The following EXT1 variants were observed in gnomAD, a reference collection of about 807,000 sequenced individuals.
EXT1 encodes the protein exostosin glycosyltransferase 1.
A neutral mutation model predicts 82.5 loss-of-function variants in EXT1; 20 were observed. The observed-to-expected ratio is 0.24, with a 90% CI of 0.17 to 0.35. EXT1 has a LOEUF of 0.35. EXT1 is among the 10% of genes least tolerant of loss of function. The pLI, the probability that EXT1 is intolerant of heterozygous loss-of-function variation, is 1.00. For synonymous variants in EXT1, 348 were observed against 350.8 expected, an observed-to-expected ratio of 0.99 and a Z score of 0.09; for missense variants, 757 against 936.5, an observed-to-expected ratio of 0.81 and a Z score of 2.50.
chr8:117,896,761 C>A (rs1813345762), intron 1 of EXT1, among the ~76,000 whole-genome samples: 1 of 152,306 alleles, frequency 6.6e-6, no homozygotes, highest in African/African-American at 2.4e-5. Flanking sequence ...CTTATCTAGG[C>A]TTTAGCACAA....
intron 1 of EXT1, among the ~76,000 whole-genome samples, chr8:117,848,719 C>G (rs747390113): frequency 1.6e-4 from 24 of 152,268 alleles, no homozygotes; most frequent in Non-Finnish European, 2.5e-4. Flanking sequence ...TCCTCACACC[C>G]TTCTTCCTAT....
At chr8:117,843,054 A>G (rs753152464) in intron 1 of EXT1, among the ~76,000 whole-genome samples, 1 of 152,196 alleles carries the variant, frequency 6.6e-6, no homozygotes. Flanking sequence ...CCCCATCCTC[A>G]TAAGTAATTA....
intron 10 of EXT1, among the ~76,000 whole-genome samples, chr8:117,802,107 G>C (rs1421027471): frequency 2.0e-5 from 3 of 152,084 alleles, no homozygotes; most frequent in Non-Finnish European, 4.4e-5. Context: ...TGTGTATGAT[G>C]GAAAGAAGGG....
intron 1 of EXT1, among the ~76,000 whole-genome samples, chr8:117,899,569 C>T (rs746165343): frequency 3.1e-4 from 47 of 152,092 alleles, no homozygotes; most frequent in African/African-American, 1.0e-3. Context: ...GCTTTCGGAA[C>T]GATCAGCTGG....
At chr8:117,803,838 T>A (rs1372489253) in intron 10 of EXT1, among the ~76,000 whole-genome samples, 1 of 152,192 alleles carries the variant, frequency 6.6e-6, no homozygotes, top group African/African-American at 2.4e-5. Flanking sequence ...ATTTCAACCC[T>A]GTAAGGTAGA....
At chr8:118,049,997 G>C (rs1816691188) in intron 1 of EXT1, among the ~76,000 whole-genome samples, 1 of 152,038 alleles carries the variant, frequency 6.6e-6, no homozygotes, top group Non-Finnish European at 1.5e-5. Context: ...ATGATTGCCT[G>C]GTGTGTCCTT....
chr8:118,080,809 A>G (rs1432162766), intron 1 of EXT1, among the ~76,000 whole-genome samples: 2 of 152,154 alleles, frequency 1.3e-5, no homozygotes, highest in East Asian at 3.9e-4. Flanking sequence ...CAGAAGTCTC[A>G]TACTATGAGA....
chr8:118,106,299 C>A (rs993024310), intron 1 of EXT1, among the ~76,000 whole-genome samples: 3 of 152,118 alleles, frequency 2.0e-5, no homozygotes, highest in African/African-American at 7.2e-5. Flanking sequence ...TTCAAGGGTG[C>A]CTGAGAATAG....
At chr8:117,818,645 G>C (rs1185182789) in intron 6 of EXT1, 115 bp from the exon 7 acceptor site, 5 of 858,850 alleles carry the variant, frequency 5.8e-6, no homozygotes, top group South Asian at 5.5e-5. Context: ...ATCTCAGCAA[G>C]ACAAAACGGC....
At chr8:117,881,961 G>A (rs55738796) in intron 1 of EXT1, among the ~76,000 whole-genome samples, 7,301 of 152,252 alleles carry the variant, frequency 0.048, 416 homozygotes, top group African/African-American at 0.14. Context: ...CGTTATTCTG[G>A]TGGGAAATAC....
chr8:117,847,881 T>C lies in EXT1; in HGVS notation c.963-10680A>G, dbSNP rs1423673130. On this transcript the variant is annotated intron_variant, in intron 1 of 10. Coordinates refer to ENST00000378204, the MANE Select transcript of EXT1 (RefSeq NM_000127.3). ...TCTGGCCCCTGCACTTAAGTGGTTA[T>C]AAAATATCTTGAGAATCCAATGACA... is the stretch of plus-strand genomic sequence containing the variant. Among the ~76,000 whole-genome samples, 6 of 147,232 alleles carry C rather than the reference T, an allele frequency of 4.1e-5. No individual in the cohort carries two copies. The East Asian group carries it at 1.4e-3, about 34-fold the overall frequency.
At chr8:117,935,957 G>C (rs185884648) in intron 1 of EXT1, among the ~76,000 whole-genome samples, 1 of 152,224 alleles carries the variant, frequency 6.6e-6, no homozygotes, top group Admixed American at 6.5e-5. Flanking sequence ...AGAGGAGAAC[G>C]AATGAAGTCG....
At chr8:117,862,781 T>TA (rs1397561997) in intron 1 of EXT1, among the ~76,000 whole-genome samples, 1 of 145,020 alleles carries the variant, frequency 6.9e-6, no homozygotes, top group Non-Finnish European at 1.6e-5. Flanking sequence ...GGCATCTCAG[T>TA]AAAGATGGGG....
chr8:118,085,777 G>T (rs1365915658), intron 1 of EXT1, among the ~76,000 whole-genome samples: 3 of 151,432 alleles, frequency 2.0e-5, no homozygotes, highest in Non-Finnish European at 4.4e-5. Context: ...TTTTGTTGCA[G>T]AGCCTTGAAA....
At chr8:118,074,461 A>G (rs1456737142) in intron 1 of EXT1, among the ~76,000 whole-genome samples, 1 of 152,130 alleles carries the variant, frequency 6.6e-6, no homozygotes, top group Non-Finnish European at 1.5e-5. Context: ...GCTGTGGTGC[A>G]GGCAGAGGGC....
intron 1 of EXT1, among the ~76,000 whole-genome samples, chr8:117,926,700 G>A (rs1041916512): frequency 1.3e-5 from 2 of 152,150 alleles, no homozygotes; most frequent in African/African-American, 4.8e-5. Context: ...ATAAGGAAAA[G>A]CAAGAAGGCA....
intron 1 of EXT1, among the ~76,000 whole-genome samples, chr8:117,997,123 G>T (rs1815553229): frequency 1.3e-5 from 2 of 151,874 alleles, no homozygotes; most frequent in South Asian, 4.2e-4. Flanking sequence ...ATCCTCAATT[G>T]CAATGAAGCT....
chr8:118,111,188 C>G lies in EXT1; in HGVS notation c.-142G>C. ...GCTCCCACCTTCTCTGGATGCCTTT[C>G]CCCAAGCCGTGGACTGATCCAGCGC... On this transcript the variant is annotated 5_prime_UTR_variant, in exon 1 of 11. Transcript: ENST00000378204. The G allele has an allele frequency of 8.1e-7, 1 of 1,228,298 alleles. No individual in the cohort carries two copies. The highest frequency in any genetic ancestry group is 1.2e-6 in the Non-Finnish European group (1 of 868,784). The allele number at this position is 1,228,298 out of a possible 1,614,324, so 76.1% of individuals were successfully genotyped here.
At chr8:118,091,674 A>G (rs1228633858) in intron 1 of EXT1, among the ~76,000 whole-genome samples, 1 of 152,128 alleles carries the variant, frequency 6.6e-6, no homozygotes, top group African/African-American at 2.4e-5. Context: ...GAACCTGGGA[A>G]GCGGAGCTTG....
Sources: allele counts gnomAD v4.1 joint callset (sites outside exome capture counted in the v4.1 genomes callset), GRCh38; gene constraint gnomAD v4.1.1; transcripts MANE v1.5; gene names NCBI Gene and HGNC (gene_info 2026-07-23, HGNC 2026-07-21).